Variants in CRYBG1 observed in about 807,000 individuals in gnomAD.
CRYBG1 encodes the protein crystallin beta-gamma domain containing 1, also known as beta/gamma crystallin domain-containing protein 1.
Under a neutral mutation model 189.2 loss-of-function variants are expected in CRYBG1, and 139 were observed. The ratio of observed to expected loss-of-function variants is 0.73; its 90% CI spans 0.64 to 0.85. The LOEUF is 0.85. Among genes scored for constraint, CRYBG1 ranks in the 40% least tolerant of loss-of-function variants. The pLI is 0.00. For synonymous variants in CRYBG1, 1,023 were observed against 1,017.1 expected, an observed-to-expected ratio of 1.01 and a Z score of -0.11; for missense variants, 2,611 against 2,675.8, an observed-to-expected ratio of 0.98 and a Z score of 0.53.
intron 2 of CRYBG1, among the ~76,000 whole-genome samples, chr6:106,476,029 C>T (rs1388413211): frequency 6.6e-6 from 1 of 152,062 alleles, no homozygotes; most frequent in African/African-American, 2.4e-5. Flanking sequence ...ACACATTTAC[C>T]ATTTACCACA....
In CRYBG1 at chr6:106,541,634, A is replaced by G; in HGVS notation, c.4881+13A>G. ...TACAGATCCAAAGGTAAAAATATAT[A>G]TGTATTTTTGTATGTATGTATATGT... is the stretch of plus-strand genomic sequence containing the variant. On this transcript the variant is annotated intron_variant, in intron 10 of 21. Transcript: ENST00000633556. 1 of 1,582,020 alleles carries G rather than the reference A, an allele frequency of 6.3e-7. No individual in the cohort carries two copies. The highest frequency in any genetic ancestry group is 2.2e-5 in the East Asian group (1 of 44,504).
At chr6:106,485,593 A>C (rs1196931029) in intron 2 of CRYBG1, among the ~76,000 whole-genome samples, 1 of 152,194 alleles carries the variant, frequency 6.6e-6, no homozygotes, top group Non-Finnish European at 1.5e-5. Context: ...TGTTTCATAC[A>C]TTCAGTATGA....
intron 1 of CRYBG1, among the ~76,000 whole-genome samples, chr6:106,448,007 G>A (rs1030013072): frequency 1.3e-5 from 2 of 152,212 alleles, no homozygotes; most frequent in Non-Finnish European, 2.9e-5. Flanking sequence ...AACTTGTCCA[G>A]TAAGCTTGCT....
chr6:106,510,718 C>T (rs1446060377), intron 2 of CRYBG1, among the ~76,000 whole-genome samples: 8 of 152,258 alleles, frequency 5.3e-5, no homozygotes, highest in Non-Finnish European at 1.2e-4. Flanking sequence ...CCCCCACGCA[C>T]TCCTCCGTGT....
intron 2 of CRYBG1, among the ~76,000 whole-genome samples, chr6:106,459,369 T>G (rs1259250538): frequency 1.3e-5 from 2 of 152,190 alleles, no homozygotes; most frequent in Admixed American, 6.5e-5. Flanking sequence ...ATATTTGTTA[T>G]TTCTCTTCTA....
At chr6:106,481,555 C>G (rs1348135875) in intron 2 of CRYBG1, among the ~76,000 whole-genome samples, 2 of 148,960 alleles carry the variant, frequency 1.3e-5, no homozygotes, top group Non-Finnish European at 3.0e-5. Context: ...CTCCTGGAGA[C>G]CCTCTGTTTG....
chr6:106,530,676 A>G (rs1192082308), intron 8 of CRYBG1, among the ~76,000 whole-genome samples: 1 of 151,006 alleles, frequency 6.6e-6, no homozygotes, highest in Non-Finnish European at 1.5e-5. Flanking sequence ...CTGGGGGGGG[A>G]TGGAAGCCAA....
At chr6:106,555,162 C>T (rs562621445) in intron 16 of CRYBG1, among the ~76,000 whole-genome samples, 123 of 143,104 alleles carry the variant, frequency 8.6e-4, no homozygotes, top group African/African-American at 3.2e-3. Context: ...GAGATTCTGT[C>T]CCCCCGCCAC....
In CRYBG1 at chr6:106,555,895, G is replaced by A. The variant is rs1774532174; in HGVS notation, c.5713G>A (p.Val1905Ile). The A allele has an allele frequency of 1.2e-6, 2 of 1,614,152 alleles. No homozygotes were observed. Among genetic ancestry groups the A allele is most frequent in the Non-Finnish European group, 8.5e-7 (1 of 1,179,998 alleles). Reference sequence around the variant, plus strand: ...TTTCAAGTCTCTTCGTTTTATAGATGTTGTAAGTATGTCATTGTGAATAGT... The same window carrying A: ...TTTCAAGTCTCTTCGTTTTATAGATATTGTAAGTATGTCATTGTGAATAGT... ...ATFKSLRFIDVEFSEPTIILF... is the reference protein window; with the variant it reads ...ATFKSLRFIDIEFSEPTIILF... Residue 1905 changes from valine to isoleucine, a missense_variant and splice_region_variant, in exon 17 of 22, where the codon GTT becomes ATT. By Grantham distance (29) the Val-to-Ile change is conservative (BLOSUM62 3). Transcript: ENST00000633556.
Position 106,568,696 on chromosome 6 carries a change from A to C in CRYBG1, c.*130A>C. 1 of 635,322 alleles carries C rather than the reference A, an allele frequency of 1.6e-6. No homozygotes were observed. Among genetic ancestry groups the C allele is most frequent in the Non-Finnish European group, 2.8e-6 (1 of 362,666 alleles). 39.4% of individuals were successfully genotyped at this position (635,322 alleles called of 1,614,324 possible). On this transcript the variant is annotated 3_prime_UTR_variant, in exon 22 of 22. Coordinates refer to ENST00000633556, the MANE Select transcript of CRYBG1 (RefSeq NM_001371242.2). ...TTCATTGATTCTAAATTCAACCTTA[A>C]ATCATGCTGCCATGACTCAGAGAAC... is the stretch of plus-strand genomic sequence containing the variant.
chr6:106,459,058 A>T (rs1771947952), intron 2 of CRYBG1, among the ~76,000 whole-genome samples: 1 of 152,198 alleles, frequency 6.6e-6, no homozygotes, highest in African/African-American at 2.4e-5. Flanking sequence ...TATGAAAAAG[A>T]TTGGTTGCCT....
intron 3 of CRYBG1, among the ~76,000 whole-genome samples, chr6:106,517,303 TACACACACACACAC>T (rs754971135): frequency 1.5e-5 from 2 of 136,174 alleles, no homozygotes; most frequent in Non-Finnish European, 3.0e-5. Context: ...CATATATATA[TACACACACACACAC>T]ATATATATAT....
chr6:106,433,759 G>A (rs112577293), intron 1 of CRYBG1, among the ~76,000 whole-genome samples: 336 of 17,492 alleles, frequency 0.019, 29 homozygotes, highest in East Asian at 0.095. Flanking sequence ...ATATATATGT[G>A]TATATATATA....
intron 1 of CRYBG1, among the ~76,000 whole-genome samples, chr6:106,362,929 T>C (rs1217997826): frequency 6.6e-6 from 1 of 152,168 alleles, no homozygotes; most frequent in African/African-American, 2.4e-5. Flanking sequence ...TTTATTCAAA[T>C]GTAAATACAT....
At chr6:106,434,252 G>A (rs1037917441) in intron 1 of CRYBG1, among the ~76,000 whole-genome samples, 2 of 152,094 alleles carry the variant, frequency 1.3e-5, no homozygotes, top group African/African-American at 4.8e-5. Flanking sequence ...TGGAAGTGAG[G>A]TATCACCACT....
At chr6:106,485,917 C>A (rs1308355414) in intron 2 of CRYBG1, among the ~76,000 whole-genome samples, 1 of 152,126 alleles carries the variant, frequency 6.6e-6, no homozygotes, top group Non-Finnish European at 1.5e-5. Flanking sequence ...GGGATACTGA[C>A]CTGCAGTTTA....
At chr6:106,406,126 C>A (rs1025938463) in intron 1 of CRYBG1, among the ~76,000 whole-genome samples, 4 of 152,058 alleles carry the variant, frequency 2.6e-5, no homozygotes, top group African/African-American at 9.6e-5. Context: ...AGCTAAGAAC[C>A]TTGAAAAAAG....
Position 106,530,143 on chromosome 6 carries a change from A to G in CRYBG1, c.4579-33A>G, listed in dbSNP as rs762734373. On this transcript the variant is annotated intron_variant, in intron 7 of 21. Transcript: ENST00000633556. Reference sequence around the variant, plus strand: ...ACTAGAGAGTGAAATACATGGTGCAATTCTTACTATCTATGCATCTATATT... The same window carrying G: ...ACTAGAGAGTGAAATACATGGTGCAGTTCTTACTATCTATGCATCTATATT... 7 of 1,572,834 alleles carry G rather than the reference A, an allele frequency of 4.5e-6. No individual in the cohort carries two copies. In the Admixed American group the frequency reaches 7.3e-5, roughly 16 times the overall value.
At chr6:106,380,303 T>C (rs989409852) in intron 1 of CRYBG1, among the ~76,000 whole-genome samples, 2 of 152,226 alleles carry the variant, frequency 1.3e-5, no homozygotes, top group Non-Finnish European at 2.9e-5. Context: ...TGGGAACTTG[T>C]GATTTGAAAA....
Sources: allele counts gnomAD v4.1 joint callset (sites outside exome capture counted in the v4.1 genomes callset), GRCh38; gene constraint gnomAD v4.1.1; transcripts MANE v1.5; gene names NCBI Gene and HGNC (gene_info 2026-07-23, HGNC 2026-07-21).